Variants in NEGR1 observed in about 807,000 individuals in gnomAD.
NEGR1 encodes the protein IgLON family member 4.
A neutral mutation model predicts 40.9 loss-of-function variants in NEGR1; 10 were observed. That is an observed-to-expected ratio of 0.24 (90% CI 0.15 to 0.42). The LOEUF (loss-of-function observed/expected upper bound fraction) is 0.42. Among genes scored for constraint, NEGR1 ranks in the 10% least tolerant of loss-of-function variants. The pLI, the probability that NEGR1 is intolerant of heterozygous loss-of-function variation, is 1.00. For missense variants in NEGR1, 352 were observed against 438.9 expected, an observed-to-expected ratio of 0.80 and a Z score of 1.77; for synonymous variants, 185 against 166.8, an observed-to-expected ratio of 1.11 and a Z score of -0.84.
chr1:71,427,996 ACT>A (rs1557522273), intron 6 of NEGR1, among the ~76,000 whole-genome samples: 2 of 12,962 alleles, frequency 1.5e-4, no homozygotes, highest in Non-Finnish European at 4.2e-4. Flanking sequence ...CTGATAACAC[ACT>A]CACACACACA....
At chr1:71,671,066 CTATT>C (rs71769235) in intron 4 of NEGR1, among the ~76,000 whole-genome samples, 5,401 of 151,964 alleles carry the variant, frequency 0.036, 120 homozygotes, top group African/African-American at 0.071. Context: ...CGAATTATAA[CTATT>C]TATTGTTATA....
chr1:72,093,986 T>C (rs1356870256), intron 1 of NEGR1, among the ~76,000 whole-genome samples: 3 of 152,166 alleles, frequency 2.0e-5, no homozygotes, highest in East Asian at 3.9e-4. Flanking sequence ...TGCTTAATGG[T>C]CAATAATAAT....
intron 1 of NEGR1, among the ~76,000 whole-genome samples, chr1:72,185,563 A>G: frequency 6.6e-6 from 1 of 151,932 alleles, no homozygotes; most frequent in East Asian, 1.9e-4. Flanking sequence ...ACAAATGGAA[A>G]TGGAATTCAT....
intron 2 of NEGR1, among the ~76,000 whole-genome samples, chr1:71,785,943 C>G (rs750347074): frequency 6.6e-6 from 1 of 152,142 alleles, no homozygotes; most frequent in African/African-American, 2.4e-5. Flanking sequence ...ATTTTTATAT[C>G]TAAAAGCTGC....
chr1:71,863,187 T>C (rs1185908103), intron 2 of NEGR1, among the ~76,000 whole-genome samples: 1 of 152,070 alleles, frequency 6.6e-6, no homozygotes, highest in Non-Finnish European at 1.5e-5. Flanking sequence ...AGCAAAGACA[T>C]GGAATCACTC....
At chr1:72,101,684 T>C (rs1358411829) in intron 1 of NEGR1, among the ~76,000 whole-genome samples, 1 of 152,064 alleles carries the variant, frequency 6.6e-6, no homozygotes, top group Non-Finnish European at 1.5e-5. Flanking sequence ...AAGAATCACA[T>C]AACTGAGACC....
rs968734010 is a variant in NEGR1, at chr1:71,647,242, T to G, written c.668-36096A>C. Among the ~76,000 whole-genome samples, 14 of 151,806 alleles carry G rather than the reference T, an allele frequency of 9.2e-5. No individual in the cohort carries two copies. In the South Asian group the frequency reaches 1.0e-3, roughly 11 times the overall value. ...ACCATTTTCATTCTTGAGAACCAAC[T>G]GGGTCCCCAAATACATTTGGTAGGG... On this transcript the variant is annotated intron_variant, in intron 4 of 6. Transcript: ENST00000357731.
intron 4 of NEGR1, among the ~76,000 whole-genome samples, chr1:71,692,220 A>G (rs1179191886): frequency 1.3e-5 from 2 of 151,818 alleles, no homozygotes; most frequent in East Asian, 1.9e-4. Context: ...TATAGGAACT[A>G]ATACTTTATT....
intron 1 of NEGR1, among the ~76,000 whole-genome samples, chr1:72,172,202 G>A (rs558660824): frequency 1.3e-5 from 2 of 152,120 alleles, no homozygotes; most frequent in East Asian, 1.9e-4. Flanking sequence ...AAAAGAGCCC[G>A]AAATAGAATT....
chr1:71,844,000 T>C (rs1157951767), intron 2 of NEGR1, among the ~76,000 whole-genome samples: 2 of 152,124 alleles, frequency 1.3e-5, no homozygotes, highest in Non-Finnish European at 1.5e-5. Flanking sequence ...CTTCTTTTAA[T>C]TGAACTGGAG....
intron 2 of NEGR1, among the ~76,000 whole-genome samples, chr1:71,909,256 A>G (rs1043950681): frequency 1.3e-5 from 2 of 152,222 alleles, no homozygotes; most frequent in African/African-American, 4.8e-5. Context: ...GCAGGAGTCC[A>G]TTTGAAATGG....
chr1:72,135,949 G>A (rs1650446916), intron 1 of NEGR1, among the ~76,000 whole-genome samples: 1 of 152,156 alleles, frequency 6.6e-6, no homozygotes, highest in Non-Finnish European at 1.5e-5. Context: ...ATTTGCCCAA[G>A]ATTGAACATT....
chr1:71,756,071 C>G (rs528132991), intron 3 of NEGR1, among the ~76,000 whole-genome samples: 1 of 152,058 alleles, frequency 6.6e-6, no homozygotes, highest in Admixed American at 6.6e-5. Flanking sequence ...TGAGAGATAT[C>G]CAAGAAAAAG....
At chr1:71,573,519 GT>G (rs1425260390) in intron 6 of NEGR1, 3 of 152,066 alleles carry the variant, frequency 2.0e-5, no homozygotes, top group Non-Finnish European at 4.4e-5. Context: ...ACAATTTTCT[GT>G]CCTCAGACAG....
At chr1:72,133,512 T>C (rs1650334464) in intron 1 of NEGR1, among the ~76,000 whole-genome samples, 1 of 152,022 alleles carries the variant, frequency 6.6e-6, no homozygotes, top group Admixed American at 6.5e-5. Context: ...CAGATCTATG[T>C]TATCAAAATT....
At chr1:72,130,839 ATTCCTGTTAATGAGTAC>A (rs1650220382) in intron 1 of NEGR1, among the ~76,000 whole-genome samples, 2 of 152,208 alleles carry the variant, frequency 1.3e-5, no homozygotes, top group Non-Finnish European at 2.9e-5. Context: ...ATCTATAATC[ATTCCTGTTAATGAGTAC>A]AAACTTTAAA....
chr1:71,905,912 T>C (rs1661262193), intron 2 of NEGR1, among the ~76,000 whole-genome samples: 1 of 151,654 alleles, frequency 6.6e-6, no homozygotes, highest in Non-Finnish European at 1.5e-5. Context: ...TGCTTTAGTT[T>C]CCTATGTAAG....
intron 6 of NEGR1, chr1:71,570,967 T>C (rs568570516): frequency 3.9e-5 from 6 of 152,282 alleles, no homozygotes; most frequent in African/African-American, 1.2e-4. Context: ...TGTGAGCTAA[T>C]TGCCAAATTA....
chr1:71,531,209 A>G (rs1296744513), intron 6 of NEGR1, among the ~76,000 whole-genome samples: 1 of 151,336 alleles, frequency 6.6e-6, no homozygotes, highest in Non-Finnish European at 1.5e-5. Context: ...AAAAACATGA[A>G]GTCAGAAAAT....
Sources: gnomAD v4.1 joint callset for allele counts (sites outside exome capture counted in the v4.1 genomes callset) on GRCh38, gnomAD v4.1.1 for gene constraint, MANE v1.5 for transcripts, NCBI Gene and HGNC (gene_info 2026-07-23, HGNC 2026-07-21) for gene names.